ACACA: variants seen among roughly 807,000 people sequenced by gnomAD.
The protein encoded by ACACA is acetyl-CoA carboxylase alpha, also known as acetyl-CoA carboxylase 1.
In ACACA, 103 loss-of-function variants were observed where a neutral mutation model predicts 296.1. The observed-to-expected ratio is 0.35, with a 90% CI of 0.30 to 0.41. The LOEUF (loss-of-function observed/expected upper bound fraction) is 0.41, where lower values mean the gene tolerates loss of function less well. Ranked by LOEUF, ACACA falls within the 10% of genes least tolerant of loss-of-function variation. The pLI is 1.00. For synonymous variants in ACACA, 953 were observed against 1,038.6 expected, an observed-to-expected ratio of 0.92 and a Z score of 1.58; for missense variants, 1,554 against 2,989.7, an observed-to-expected ratio of 0.52 and a Z score of 11.20.
intron 3 of ACACA, among the ~76,000 whole-genome samples, chr17:37,311,488 A>T (rs566186557): frequency 1.1e-4 from 17 of 148,670 alleles, no homozygotes; most frequent in African/African-American, 3.9e-4. Context: ...AATACAGATA[A>T]AAGTAAGTTT....
At chr17:37,335,645 G>GAGC (rs1256900919) in intron 2 of ACACA, among the ~76,000 whole-genome samples, 2 of 152,080 alleles carry the variant, frequency 1.3e-5, no homozygotes, top group Admixed American at 6.5e-5. Flanking sequence ...TTTGTTATTG[G>GAGC]AGCAGGAGTG....
At position 37,174,020 on chromosome 17, in the gene ACACA, ATTTT is replaced by A. The variant is rs71159693; in HGVS notation, c.5079+5236_5079+5239del. Among the ~76,000 whole-genome samples, 93 of 16,750 alleles carry A rather than the reference ATTTT, an allele frequency of 5.6e-3. 4 individuals are homozygous for A. Among genetic ancestry groups the A allele is most frequent in the South Asian group, 7.8e-3 (2 of 256 alleles). 11.0% of individuals were successfully genotyped at this position (16,750 alleles called of 152,430 possible). A position where few individuals can be genotyped will look rare whatever the true frequency, so the allele number is the denominator to read the frequency against. On this transcript the variant is annotated intron_variant, in intron 41 of 55. Transcript: ENST00000616317. ...TATATATATATATATATATATATAT[ATTTT>A]TTTTTTTTTTTTTTTTTGTAGCGAT...
In ACACA at chr17:37,162,003, T is replaced by C; in HGVS notation, c.5127A>G (p.Pro1709=). The part of the protein sequence containing the change: ...WKMTFKSPEY[P]EGRDIIVIGN... ...CAATAACAATGATATCTCGGCCTTC[T>C]GGATATTCAGGACTTTTAAAGGTCA... is the stretch of plus-strand genomic sequence containing the variant. Residue 1709 remains proline, a synonymous_variant, in exon 42 of 56, where the codon CCA becomes CCG. Coordinates refer to ENST00000616317, the MANE Select transcript of ACACA (RefSeq NM_198834.3). The C allele has an allele frequency of 6.2e-7, 1 of 1,614,216 alleles. No homozygotes were observed. Among genetic ancestry groups the C allele is most frequent in the Middle Eastern group, 1.6e-4 (1 of 6,062 alleles).
chr17:37,273,644 T>C (rs2082157819), intron 9 of ACACA, among the ~76,000 whole-genome samples: 2 of 152,336 alleles, frequency 1.3e-5, no homozygotes, highest in Admixed American at 1.3e-4. Context: ...GAGGGAAATC[T>C]GTGGTCATTC....
intron 1 of ACACA, among the ~76,000 whole-genome samples, chr17:37,405,462 T>C (rs2051444430): frequency 6.6e-6 from 1 of 152,252 alleles, no homozygotes; most frequent in East Asian, 1.9e-4. Flanking sequence ...CTATCATATA[T>C]TTATTGATGT....
intron 1 of ACACA, chr17:37,392,187 A>C: frequency 6.1e-6 from 1 of 164,164 alleles, no homozygotes; most frequent in Non-Finnish European, 1.3e-5. Context: ...AGGTTTTGTA[A>C]TTTAGCTTCT....
At chr17:37,377,976 G>A (rs377038007) in intron 1 of ACACA, 248 of 1,610,320 alleles carry the variant, frequency 1.5e-4, no homozygotes, top group Non-Finnish European at 2.1e-4. Flanking sequence ...GTAGGGAATG[G>A]GTCCTTTCTG....
intron 1 of ACACA, among the ~76,000 whole-genome samples, chr17:37,358,282 G>A (rs1392615261): frequency 6.6e-6 from 1 of 152,170 alleles, no homozygotes; most frequent in Non-Finnish European, 1.5e-5. Context: ...ATCCGGGCAG[G>A]ACCTTCACGC....
Position 37,221,729 on chromosome 17 carries a change from T to G in ACACA, c.3678A>C (p.Pro1226=). The stretch of plus-strand genomic sequence containing the variant: ...ACATACCACCTCAAACTCACCTGTT[T>G]GGATGAGATGTGGGCAGCATGAACT... ...EFQFMLPTSH[P]NRGNIPTLNR... The change falls in exon 29 of 56, where the codon CCA becomes CCC. Residue 1226 remains proline (P), a synonymous_variant. Transcript: ENST00000616317. The G allele has an allele frequency of 6.2e-7, 1 of 1,613,468 alleles. No individual in the cohort carries two copies. The highest frequency in any genetic ancestry group is 8.5e-7 in the Non-Finnish European group (1 of 1,179,354).
chr17:37,365,683 A>T, intron 1 of ACACA: 1 of 985,424 alleles, frequency 1.0e-6, no homozygotes, highest in Non-Finnish European at 1.2e-6. Flanking sequence ...CAGAATTAAG[A>T]GCCTGAAGGA....
rs879337642 is a variant in ACACA, at chr17:37,320,510, C to CA, written c.338+9662dup. ...TGGGCGACAGAGCGAGACTTCATCTCAAAAAAAAAAAAGCATATCTGTTAC... is the reference window on the plus strand; with the variant it reads ...TGGGCGACAGAGCGAGACTTCATCTCAAAAAAAAAAAAAGCATATCTGTTAC... On this transcript the variant is annotated intron_variant, in intron 3 of 55. Transcript: ENST00000616317. Among the ~76,000 whole-genome samples the CA allele has an allele frequency of 5.0e-3, 657 of 131,630 alleles. 4 individuals carry two copies. The highest frequency in any genetic ancestry group is 0.016 in the African/African-American group (568 of 35,650). The allele number at this position is 131,630 out of a possible 152,430, so 86.4% of individuals were successfully genotyped here. A position where few individuals can be genotyped will look rare whatever the true frequency, so the allele number is the denominator to read the frequency against.
At position 37,260,288 on chromosome 17, in the gene ACACA, ATATATATATTTTT is replaced by A. The variant is rs1257727625; in HGVS notation, c.1330-771_1330-759del. On this transcript the variant is annotated intron_variant, in intron 11 of 55. Coordinates refer to ENST00000616317, the MANE Select transcript of ACACA (RefSeq NM_198834.3). ...TATATATATATATATATATATATAT[ATATATATATTTTT>A]TTTTTTTTTTTTTTTGGAGATGGAG... Among the ~76,000 whole-genome samples the A allele has an allele frequency of 7.9e-4, 19 of 24,060 alleles. 1 individual carries two copies. In the South Asian group the frequency reaches 0.013, roughly 17 times the overall value. The allele number at this position is 24,060 out of a possible 152,430, so 15.8% of individuals were successfully genotyped here. A position where few individuals can be genotyped will look rare whatever the true frequency, so the allele number is the denominator to read the frequency against.
intron 36 of ACACA, among the ~76,000 whole-genome samples, chr17:37,192,604 CCTA>C (rs1468620851): frequency 6.6e-6 from 1 of 152,064 alleles, no homozygotes; most frequent in Non-Finnish European, 1.5e-5. Flanking sequence ...CCTTAGAACT[CCTA>C]CAACATTTAA....
At chr17:37,298,433 A>T (rs2083458206) in intron 3 of ACACA, among the ~76,000 whole-genome samples, 1 of 152,192 alleles carries the variant, frequency 6.6e-6, no homozygotes, top group African/African-American at 2.4e-5. Context: ...TGTAATACCA[A>T]CACTTCTGGA....
chr17:37,378,076 T>G lies in ACACA; in HGVS notation c.38+28186A>C, dbSNP rs2050085980. 10 of 972,100 alleles carry G rather than the reference T, an allele frequency of 1.0e-5. No homozygotes were observed. In the Admixed American group the frequency reaches 1.5e-4, roughly 15 times the overall value. 60.2% of individuals were successfully genotyped at this position (972,100 alleles called of 1,614,324 possible). On this transcript the variant is annotated intron_variant, in intron 1 of 55. Coordinates refer to ENST00000616317, the MANE Select transcript of ACACA (RefSeq NM_198834.3). ...AGCCCATATCTCAAATATCCTATTT[T>G]AAGGATATGTATCCTCCCAGGGGGC... is the stretch of plus-strand genomic sequence containing the variant.
chr17:37,148,975 C>A (rs2075929021), intron 45 of ACACA, among the ~76,000 whole-genome samples: 1 of 152,290 alleles, frequency 6.6e-6, no homozygotes, highest in African/African-American at 2.4e-5. Context: ...ATATAAGTTG[C>A]ACAAGGGCAG....
intron 1 of ACACA, among the ~76,000 whole-genome samples, chr17:37,362,115 T>C (rs1172508405): frequency 1.3e-5 from 2 of 152,164 alleles, no homozygotes; most frequent in African/African-American, 2.4e-5. Flanking sequence ...TGCATGGCCA[T>C]GTACAAACCA....
intron 3 of ACACA, among the ~76,000 whole-genome samples, chr17:37,289,807 T>C (rs2082958579): frequency 6.6e-6 from 1 of 152,152 alleles, no homozygotes; most frequent in Admixed American, 6.5e-5. Context: ...CCTTCCAACT[T>C]CACCCCTTAA....
chr17:37,295,359 C>G (rs1717270857), intron 3 of ACACA, among the ~76,000 whole-genome samples: 1 of 152,180 alleles, frequency 6.6e-6, no homozygotes, highest in South Asian at 2.1e-4. Flanking sequence ...TTTGGGATTA[C>G]CTCCTGGCTG....
Sources: gnomAD v4.1 joint callset for allele counts (sites outside exome capture counted in the v4.1 genomes callset) on GRCh38, gnomAD v4.1.1 for gene constraint, MANE v1.5 for transcripts, NCBI Gene and HGNC (gene_info 2026-07-23, HGNC 2026-07-21) for gene names.